Variants in MACROD1 observed in about 807,000 individuals in gnomAD.
MACROD1 encodes ADP-ribose glycohydrolase MACROD1.
A neutral mutation model predicts 41.4 loss-of-function variants in MACROD1; 31 were observed. The ratio of observed to expected loss-of-function variants is 0.75; its 90% CI spans 0.56 to 1.01. The LOEUF is 1.01. Ranked by LOEUF, MACROD1 falls within the 50% of genes least tolerant of loss-of-function variation. The probability of loss-of-function intolerance (pLI) is 0.00; values close to 1 mark genes in which losing one functional copy is unlikely to be tolerated. For missense variants in MACROD1, 473 were observed against 460.0 expected (o/e 1.03, Z -0.26); for synonymous variants, 252 against 203.4 (o/e 1.24, Z -2.03).
chr11:64,027,871 G>T (rs1439856063), intron 3 of MACROD1, among the ~76,000 whole-genome samples: 2 of 152,214 alleles, frequency 1.3e-5, no homozygotes, highest in Non-Finnish European at 2.9e-5. Flanking sequence ...CTGGAAGAAG[G>T]TGGCACAGCT....
intron 3 of MACROD1, among the ~76,000 whole-genome samples, chr11:64,106,540 G>C (rs1409702771): frequency 1.3e-5 from 2 of 152,190 alleles, no homozygotes; most frequent in Admixed American, 1.3e-4. Flanking sequence ...GGGTCCCACT[G>C]GGAGAAGGGC....
At chr11:64,129,901 C>T (rs1945240909) in intron 3 of MACROD1, among the ~76,000 whole-genome samples, 1 of 152,166 alleles carries the variant, frequency 6.6e-6, no homozygotes, top group South Asian at 2.1e-4. Flanking sequence ...AAGGAAAACC[C>T]TCCAAACATA....
At chr11:64,010,444 TGTTG>T (rs1467099610) in intron 4 of MACROD1, among the ~76,000 whole-genome samples, 1 of 137,334 alleles carries the variant, frequency 7.3e-6, no homozygotes, top group Non-Finnish European at 1.6e-5. Flanking sequence ...CATGTTGGGG[TGTTG>T]GTTGGGGTGC....
chr11:64,012,221 G>A (rs1943025933), intron 4 of MACROD1, among the ~76,000 whole-genome samples: 1 of 152,304 alleles, frequency 6.6e-6, no homozygotes, highest in South Asian at 2.1e-4. Flanking sequence ...AGAGACCTCT[G>A]CCATGCCTCT....
chr11:64,018,628 C>T (rs1191986315), intron 3 of MACROD1, among the ~76,000 whole-genome samples: 1 of 152,204 alleles, frequency 6.6e-6, no homozygotes, highest in African/African-American at 2.4e-5. Flanking sequence ...CGGCCCTTTT[C>T]ACCTCAGCTA....
At chr11:64,128,623 C>T (rs1464189788) in intron 3 of MACROD1, among the ~76,000 whole-genome samples, 2 of 151,754 alleles carry the variant, frequency 1.3e-5, no homozygotes, top group Non-Finnish European at 2.9e-5. Flanking sequence ...CCCATCTCCC[C>T]GTTGCCCCCC....
At chr11:64,055,642 C>T (rs966219855) in intron 3 of MACROD1, among the ~76,000 whole-genome samples, 5 of 152,176 alleles carry the variant, frequency 3.3e-5, no homozygotes, top group African/African-American at 4.8e-5. Context: ...TTCTATTCCC[C>T]GGGGCCTGCA....
At chr11:64,112,117 CT>C (rs984541840) in intron 3 of MACROD1, among the ~76,000 whole-genome samples, 7 of 152,236 alleles carry the variant, frequency 4.6e-5, no homozygotes, top group Non-Finnish European at 8.8e-5. Context: ...ACAGTTTCTC[CT>C]TTGAAATCTT....
intron 3 of MACROD1, among the ~76,000 whole-genome samples, chr11:64,049,542 G>A (rs577107927): frequency 9.2e-5 from 14 of 152,300 alleles, no homozygotes; most frequent in Admixed American, 1.3e-4. Flanking sequence ...CTCCCCAAGC[G>A]GTCTTGGTCT....
intron 3 of MACROD1, among the ~76,000 whole-genome samples, chr11:64,019,176 C>T (rs920410653): frequency 3.3e-5 from 5 of 152,208 alleles, no homozygotes; most frequent in African/African-American, 1.2e-4. Context: ...ACCTGTAGGC[C>T]CCCACTGCAG....
rs567076539 is a variant in MACROD1 at position 64,065,125 on chromosome 11, C to T, written c.518-49844G>A. On this transcript the variant is annotated intron_variant, in intron 3 of 10. Coordinates refer to ENST00000255681, the MANE Select transcript of MACROD1 (RefSeq NM_014067.4). ...GAGAGACTTCCCAGAGGAGAACGGGCTACACGTGGGCCTGGAGGTGAGGTA... is the reference window on the plus strand; with the variant it reads ...GAGAGACTTCCCAGAGGAGAACGGGTTACACGTGGGCCTGGAGGTGAGGTA... 2.0e-5 allele frequency among the ~76,000 whole-genome samples: 3 copies of T among 152,330 alleles called. No homozygotes were observed. The East Asian group carries it at 5.8e-4, about 29-fold the overall frequency.
In MACROD1 at chr11:64,092,017, G is replaced by A. The variant is rs552494880; in HGVS notation, c.517+59222C>T. Among the ~76,000 whole-genome samples the A allele has an allele frequency of 1.2e-3, 181 of 152,274 alleles. 2 individuals carry two copies. The highest frequency in any genetic ancestry group is 4.2e-3 in the African/African-American group (175 of 41,546). On this transcript the variant is annotated intron_variant, in intron 3 of 10. Coordinates refer to ENST00000255681, the MANE Select transcript of MACROD1 (RefSeq NM_014067.4). ...GGGGCTGCCGGCCCTCTATCCCCAC[G>A]TGATCTCAGCTCCTGAGGGTCCCAA...
At chr11:64,084,802 G>GAACCGTAGCCCC in intron 3 of MACROD1, among the ~76,000 whole-genome samples, 1 of 152,324 alleles carries the variant, frequency 6.6e-6, no homozygotes, top group South Asian at 2.1e-4. Flanking sequence ...GGGCAACCAA[G>GAACCGTAGCCCC]AACCGTAGCC....
At chr11:64,026,139 C>A (rs747069284) in intron 3 of MACROD1, among the ~76,000 whole-genome samples, 1 of 152,128 alleles carries the variant, frequency 6.6e-6, no homozygotes, top group Non-Finnish European at 1.5e-5. Context: ...CGAGATTGTG[C>A]CATTGCACTC....
intron 3 of MACROD1, among the ~76,000 whole-genome samples, chr11:64,077,971 C>T (rs1232123552): frequency 6.7e-6 from 1 of 150,160 alleles, no homozygotes; most frequent in Admixed American, 6.6e-5. Flanking sequence ...GCCTGGCCTC[C>T]TTTCCCCTGC....
chr11:64,160,465 G>A (rs907451222), intron 1 of MACROD1, among the ~76,000 whole-genome samples: 1 of 152,126 alleles, frequency 6.6e-6, no homozygotes, highest in African/African-American at 2.4e-5. Context: ...GGCCTATCTA[G>A]GTACAGCCCT....
In MACROD1 at chr11:64,015,131, G is replaced by A. The variant is rs76209960; in HGVS notation, c.547+121C>T. The A allele has an allele frequency of 2.4e-3, 2,679 of 1,101,138 alleles. 59 individuals are homozygous for A. In the African/African-American group the frequency reaches 0.04, roughly 16 times the overall value. 68.2% of individuals were successfully genotyped at this position (1,101,138 alleles called of 1,614,324 possible). A position where few individuals can be genotyped will look rare whatever the true frequency, so the allele number is the denominator to read the frequency against. On this transcript the variant is annotated intron_variant, in intron 4 of 10. Coordinates refer to ENST00000255681, the MANE Select transcript of MACROD1 (RefSeq NM_014067.4). ...GCTCTGGGGAAGGGAGGCACCCTGTGAGGACAGTGGGGAAGGTGGATTGCA... is the reference window on the plus strand; with the variant it reads ...GCTCTGGGGAAGGGAGGCACCCTGTAAGGACAGTGGGGAAGGTGGATTGCA...
At chr11:64,061,168 A>G (rs979092178) in intron 3 of MACROD1, among the ~76,000 whole-genome samples, 2 of 152,188 alleles carry the variant, frequency 1.3e-5, no homozygotes, top group African/African-American at 2.4e-5. Flanking sequence ...GAGTCTTGTA[A>G]TGAGTATGGA....
chr11:64,118,297 C>T (rs688241), intron 3 of MACROD1: 105,749 of 1,545,926 alleles, frequency 0.068, 4,238 homozygotes, highest in Admixed American at 0.14. Context: ...ACATGATGCC[C>T]GCCCACCCGG....
Sources: gnomAD v4.1 joint callset for allele counts (sites outside exome capture counted in the v4.1 genomes callset) on GRCh38, gnomAD v4.1.1 for gene constraint, MANE v1.5 for transcripts, NCBI Gene and HGNC (gene_info 2026-07-23, HGNC 2026-07-21) for gene names.